CHKA: variants seen among roughly 807,000 people sequenced by gnomAD.
CHKA encodes the protein CHETK-alpha.
In CHKA, 34 loss-of-function variants were observed where a neutral mutation model predicts 60.1. The observed-to-expected ratio is 0.57, with a 90% confidence interval of 0.43 to 0.75. The LOEUF (loss-of-function observed/expected upper bound fraction) is 0.75. CHKA is among the 30% of genes least tolerant of loss of function. The probability of loss-of-function intolerance (pLI) is 0.00; values close to 1 mark genes in which losing one functional copy is unlikely to be tolerated. For missense variants in CHKA, 563 were observed against 561.3 expected, an observed-to-expected ratio of 1.00 and a Z score of -0.03; for synonymous variants, 217 against 223.1, an observed-to-expected ratio of 0.97 and a Z score of 0.24.
At chr11:68,083,089 A>C (rs2134599851) in intron 2 of CHKA, among the ~76,000 whole-genome samples, 1 of 152,248 alleles carries the variant, frequency 6.6e-6, no homozygotes, top group East Asian at 1.9e-4. Flanking sequence ...TAAATTCCTA[A>C]TGAATAGGGA....
At chr11:68,088,324 T>C (rs1249837677) in intron 2 of CHKA, among the ~76,000 whole-genome samples, 1 of 152,156 alleles carries the variant, frequency 6.6e-6, no homozygotes, top group East Asian at 1.9e-4. Context: ...TTCAATTCAG[T>C]AGCTGTGATG....
intron 1 of CHKA, among the ~76,000 whole-genome samples, chr11:68,115,295 A>G (rs886750135): frequency 7.9e-5 from 12 of 152,192 alleles, no homozygotes; most frequent in Non-Finnish European, 1.8e-4. Context: ...TCATCATGTA[A>G]AGCAGCATCA....
intron 11 of CHKA, 61 bp from the exon 12 acceptor site, chr11:68,054,108 GTGTC>G: frequency 1.4e-6 from 2 of 1,428,760 alleles, no homozygotes; most frequent in Non-Finnish European, 2.0e-6. Context: ...CCCTGCCCAT[GTGTC>G]CCCCAATCCC....
chr11:68,054,541 C>T (rs1365287745), intron 11 of CHKA, among the ~76,000 whole-genome samples: 3 of 152,190 alleles, frequency 2.0e-5, no homozygotes, highest in Admixed American at 6.5e-5. Flanking sequence ...GGAGAAAACC[C>T]GGCTTGGTGT....
intron 1 of CHKA, among the ~76,000 whole-genome samples, chr11:68,100,934 GTTCTT>G (rs1857691643): frequency 7.8e-6 from 1 of 128,598 alleles, no homozygotes; most frequent in Non-Finnish European, 1.6e-5. Flanking sequence ...GTATAAAGAG[GTTCTT>G]TTTTTTTTTT....
intron 11 of CHKA, among the ~76,000 whole-genome samples, chr11:68,055,132 C>T (rs1855959421): frequency 6.6e-6 from 1 of 152,198 alleles, no homozygotes; most frequent in Admixed American, 6.5e-5. Flanking sequence ...GTGGCTCACA[C>T]CTGTAATCCC....
At chr11:68,088,727 G>A (rs1394386877) in intron 2 of CHKA, among the ~76,000 whole-genome samples, 5 of 151,732 alleles carry the variant, frequency 3.3e-5, no homozygotes, top group Non-Finnish European at 7.4e-5. Flanking sequence ...AAATCATCCC[G>A]TATTTCTTGC....
intron 1 of CHKA, among the ~76,000 whole-genome samples, chr11:68,120,059 T>C (rs1479464479): frequency 6.6e-6 from 1 of 151,854 alleles, no homozygotes; most frequent in Non-Finnish European, 1.5e-5. Context: ...AGAAACCTTG[T>C]CTCTACTAAA....
intron 11 of CHKA, among the ~76,000 whole-genome samples, chr11:68,060,994 A>C (rs564900165): frequency 1.3e-5 from 2 of 151,338 alleles, no homozygotes; most frequent in African/African-American, 2.4e-5. Flanking sequence ...CATTTGTGTT[A>C]TCCCCCACCC....
intron 11 of CHKA, among the ~76,000 whole-genome samples, chr11:68,060,984 C>T (rs1238786544): frequency 6.6e-6 from 1 of 150,984 alleles, no homozygotes; most frequent in African/African-American, 2.4e-5. Flanking sequence ...AGACTGTGGA[C>T]ATTTGTGTTA....
chr11:68,112,999 GT>G (rs1181347212), intron 1 of CHKA, among the ~76,000 whole-genome samples: 1 of 140,208 alleles, frequency 7.1e-6, no homozygotes, highest in East Asian at 2.2e-4. Context: ...GGAAAATGGC[GT>G]GAAACCGGGA....
At chr11:68,064,674 T>G in intron 9 of CHKA, 43 bp from the exon 10 acceptor site, 2 of 1,177,250 alleles carry the variant, frequency 1.7e-6, no homozygotes, top group South Asian at 1.4e-5. Context: ...ATGGTTAAAA[T>G]AGACAATGTC....
intron 11 of CHKA, among the ~76,000 whole-genome samples, chr11:68,056,601 G>A (rs955618571): frequency 2.0e-5 from 3 of 152,222 alleles, no homozygotes; most frequent in African/African-American, 4.8e-5. Flanking sequence ...GAATGTGGAG[G>A]CTGACAGGAA....
intron 1 of CHKA, among the ~76,000 whole-genome samples, chr11:68,112,835 C>A (rs11228136): frequency 0.57 from 86,382 of 151,798 alleles, 24,698 homozygotes; most frequent in Middle Eastern, 0.7. Context: ...GTAATCCCAG[C>A]ACTTCGGGAG....
chr11:68,064,676 G>C (rs574694526), intron 9 of CHKA, 45 bp from the exon 10 acceptor site: 2 of 1,154,762 alleles, frequency 1.7e-6, no homozygotes, highest in Non-Finnish European at 2.5e-6. Flanking sequence ...GGTTAAAATA[G>C]ACAATGTCAA....
chr11:68,103,364 T>TA (rs575873912), intron 1 of CHKA, among the ~76,000 whole-genome samples: 4 of 150,660 alleles, frequency 2.7e-5, no homozygotes, highest in African/African-American at 7.3e-5. Flanking sequence ...TCAGTAAATT[T>TA]AAAAAAAATA....
chr11:68,099,463 T>C (rs1857623982), intron 1 of CHKA, among the ~76,000 whole-genome samples: 1 of 152,236 alleles, frequency 6.6e-6, no homozygotes, highest in African/African-American at 2.4e-5. Flanking sequence ...CATGAGTCTC[T>C]AGGAACAAGA....
intron 11 of CHKA, 120 bp downstream of exon 11, chr11:68,061,833 T>C (rs1044036864): frequency 2.6e-6 from 2 of 767,302 alleles, no homozygotes; most frequent in South Asian, 1.5e-5. Flanking sequence ...TTCGGGTACT[T>C]GGGGAGACAG....
chr11:68,098,434 AG>A, intron 1 of CHKA, among the ~76,000 whole-genome samples: 1 of 152,142 alleles, frequency 6.6e-6, no homozygotes, highest in Non-Finnish European at 1.5e-5. Context: ...CTACAAATTT[AG>A]TGGCTTAAAA....
Sources: allele counts gnomAD v4.1 joint callset (sites outside exome capture counted in the v4.1 genomes callset), GRCh38; gene constraint gnomAD v4.1.1; transcripts MANE v1.5; gene names NCBI Gene and HGNC (gene_info 2026-07-23, HGNC 2026-07-21).